PTPRU: variants seen among roughly 807,000 people sequenced by gnomAD.
PTPRU encodes the protein receptor-type tyrosine-protein phosphatase U.
In PTPRU, 69 loss-of-function variants were observed where a neutral mutation model predicts 166.3. The ratio of observed to expected loss-of-function variants is 0.41; its 90% confidence interval spans 0.34 to 0.51. The LOEUF (loss-of-function observed/expected upper bound fraction) is 0.51. Ranked by LOEUF, PTPRU falls within the 20% of genes least tolerant of loss-of-function variation. The pLI is 0.09. For missense variants in PTPRU, 1,657 were observed against 2,013.7 expected (o/e 0.82, Z 3.39); for synonymous variants, 793 against 814.0 (o/e 0.97, Z 0.44).
At chr1:29,276,575 C>G (rs1247239146) in intron 8 of PTPRU, among the ~76,000 whole-genome samples, 1 of 152,136 alleles carries the variant, frequency 6.6e-6, no homozygotes, top group Non-Finnish European at 1.5e-5. Context: ...ACCTTGGCCT[C>G]CAAAAGTGCT....
At chr1:29,285,218 C>T (rs1327856822) in intron 14 of PTPRU, among the ~76,000 whole-genome samples, 3 of 152,150 alleles carry the variant, frequency 2.0e-5, no homozygotes, top group African/African-American at 7.2e-5. Flanking sequence ...CCCTACCCTC[C>T]TGCAGACCTT....
At chr1:29,290,629 T>A in intron 14 of PTPRU, among the ~76,000 whole-genome samples, 1 of 152,212 alleles carries the variant, frequency 6.6e-6, no homozygotes, top group East Asian at 1.9e-4. Flanking sequence ...CCTTAGTGTT[T>A]CCTGACACGA....
chr1:29,279,062 A>G lies in PTPRU; in HGVS notation c.1504A>G (p.Met502Val), dbSNP rs1352680476. Residue 502 changes from methionine to valine, a missense_variant, in exon 9 of 30, where the codon ATG becomes GTG. Transcript: ENST00000373779. This position sits in a 1 kb window ranked among gnomAD's most constrained non-coding sequence, Gnocchi z 5.2. ...CCTGACCTTCACTCCACTGGAGGAC[A>G]TGATCTTCCTCAAGTGGGAGGAGCC... ...ESLTFTPLED[M>V]IFLKWEEPQE... The G allele has an allele frequency of 1.2e-5, 19 of 1,593,832 alleles. No individual in the cohort carries two copies. Among genetic ancestry groups the G allele is most frequent in the Non-Finnish European group, 1.5e-5 (18 of 1,169,712 alleles).
Position 29,277,803 on chromosome 1 carries a change from C to CTTTTTTTTTTTTTTTTTTT in PTPRU, c.1454-1194_1454-1176dup, listed in dbSNP as rs71586898. ...ACCATCTGGCTTCACAGTTGTCATT[C>CTTTTTTTTTTTTTTTTTTT]TTTTTTTTTTTTTTTTTTTTTTTTT... On this transcript the variant is annotated intron_variant, in intron 8 of 29. Coordinates refer to ENST00000373779, the MANE Select transcript of PTPRU (RefSeq NM_133178.4). 4.7e-4 allele frequency among the ~76,000 whole-genome samples: 24 copies of CTTTTTTTTTTTTTTTTTTT among 50,590 alleles called. 7 individuals carry two copies. Among genetic ancestry groups the CTTTTTTTTTTTTTTTTTTT allele is most frequent in the Admixed American group, 6.3e-4 (2 of 3,164 alleles). The allele number at this position is 50,590 out of a possible 152,430, so 33.2% of individuals were successfully genotyped here.
chr1:29,321,142 C>T (rs1236326656), intron 26 of PTPRU, among the ~76,000 whole-genome samples: 2 of 152,096 alleles, frequency 1.3e-5, no homozygotes. Context: ...GCCATCCTTC[C>T]ACCTCAGCCT....
chr1:29,307,901 C>T (rs1198689670), intron 18 of PTPRU, among the ~76,000 whole-genome samples: 1 of 151,872 alleles, frequency 6.6e-6, no homozygotes, highest in Non-Finnish European at 1.5e-5. Flanking sequence ...GCTGGAATTA[C>T]AGGCATGCAC....
chr1:29,305,646 T>C lies in PTPRU; in HGVS notation c.2820+218T>C, dbSNP rs1484910075. 1.4e-5 allele frequency: 10 copies of C among 737,950 alleles called. No individual in the cohort carries two copies. The East Asian group carries it at 2.6e-4, about 19-fold the overall frequency. The allele number at this position is 737,950 out of a possible 1,614,324, so 45.7% of individuals were successfully genotyped here. A position where few individuals can be genotyped will look rare whatever the true frequency, so the allele number is the denominator to read the frequency against. The stretch of plus-strand genomic sequence containing the variant: ...TGTAGGTGGGAGTTGGCCTGAGAGA[T>C]GAGGTGCTTTAGAGAAGCAAAGCAA... On this transcript the variant is annotated intron_variant, in intron 18 of 29. Transcript: ENST00000373779.
intron 1 of PTPRU, among the ~76,000 whole-genome samples, chr1:29,245,219 TA>T (rs1684239678): frequency 1.3e-5 from 2 of 152,192 alleles, no homozygotes; most frequent in Non-Finnish European, 2.9e-5. Context: ...TCAGTTATAA[TA>T]CCTGGACAAT....
intron 7 of PTPRU, 128 bp from the exon 8 acceptor site, chr1:29,275,320 C>A: frequency 1.0e-6 from 1 of 1,002,806 alleles, no homozygotes; most frequent in Non-Finnish European, 1.4e-6. Context: ...TTCTAGGGGT[C>A]CCCTGAGCTC....
In PTPRU at chr1:29,317,342, A is replaced by G. The variant is rs896576519; in HGVS notation, c.3514-406A>G. 1.3e-5 allele frequency among the ~76,000 whole-genome samples: 2 copies of G among 152,116 alleles called. No individual in the cohort carries two copies. Among genetic ancestry groups the G allele is most frequent in the Non-Finnish European group, 2.9e-5 (2 of 68,022 alleles). ...GGTGTGGGGTTTCAGGGGTTGCCTCAGTGAAGGCACTGGTCAGCTAGTAAA... is the reference window on the plus strand; with the variant it reads ...GGTGTGGGGTTTCAGGGGTTGCCTCGGTGAAGGCACTGGTCAGCTAGTAAA... On this transcript the variant is annotated intron_variant, in intron 24 of 29. Transcript: ENST00000373779. This position sits in a 1 kb window ranked among gnomAD's most constrained non-coding sequence, Gnocchi z 5.6.
At position 29,326,544 on chromosome 1, in the gene PTPRU, A is replaced by G. The variant is rs1277161635; in HGVS notation, c.*883A>G. On this transcript the variant is annotated 3_prime_UTR_variant, in exon 30 of 30. Coordinates refer to ENST00000373779, the MANE Select transcript of PTPRU (RefSeq NM_133178.4). ...GCCCGTTGTGGGGAGGGGCAGTGTT[A>G]GAGCAGGGCTGGTCATACCCTCTGG... 2.0e-5 allele frequency: 3 copies of G among 152,626 alleles called. No individual in the cohort carries two copies. The South Asian group carries it at 6.2e-4, about 32-fold the overall frequency. 9.5% of individuals were successfully genotyped at this position (152,626 alleles called of 1,614,324 possible).
chr1:29,321,814 G>A (rs1194044220), intron 26 of PTPRU, among the ~76,000 whole-genome samples: 1 of 152,228 alleles, frequency 6.6e-6, no homozygotes, highest in Non-Finnish European at 1.5e-5. Context: ...AAGATGATGA[G>A]GGTGACAGTT....
rs1684811186 is a variant in PTPRU, at chr1:29,257,229, A to G, written c.206-1276A>G. Among the ~76,000 whole-genome samples, 3 of 136,976 alleles carry G rather than the reference A, an allele frequency of 2.2e-5. No individual in the cohort carries two copies. The highest frequency in any genetic ancestry group is 2.4e-4 in the South Asian group (1 of 4,236). 89.9% of individuals were successfully genotyped at this position (136,976 alleles called of 152,430 possible). A position where few individuals can be genotyped will look rare whatever the true frequency, so the allele number is the denominator to read the frequency against. On this transcript the variant is annotated intron_variant, in intron 2 of 29. Transcript: ENST00000373779. This position sits in a 1 kb window ranked among gnomAD's most constrained non-coding sequence, Gnocchi z 4.6. ...CGCAGGGAGAGGAGAGAGAAGTAGCATGAGTGGGCCAAGAGGGAGTGTGTT... is the reference window on the plus strand; with the variant it reads ...CGCAGGGAGAGGAGAGAGAAGTAGCGTGAGTGGGCCAAGAGGGAGTGTGTT...
rs187283042 is a variant in PTPRU, at chr1:29,296,508, T to C, written c.2476+4482T>C. Among the ~76,000 whole-genome samples the C allele has an allele frequency of 5.3e-5, 8 of 151,572 alleles. No individual in the cohort carries two copies. The East Asian group carries it at 1.2e-3, about 22-fold the overall frequency. On this transcript the variant is annotated intron_variant, in intron 15 of 29. Coordinates refer to ENST00000373779, the MANE Select transcript of PTPRU (RefSeq NM_133178.4). The stretch of plus-strand genomic sequence containing the variant: ...TTATGATGTTTCCTTTCCTTTCTTT[T>C]TTTTTTTTTTTTCTTTTTGAGATAG...
chr1:29,262,061 A>T (rs1181645252), intron 7 of PTPRU, among the ~76,000 whole-genome samples: 1 of 152,202 alleles, frequency 6.6e-6, no homozygotes, highest in Non-Finnish European at 1.5e-5. Flanking sequence ...GTATATGTGT[A>T]TGTAGTTCTG....
rs940667574 is a variant in PTPRU at position 29,238,796 on chromosome 1, C to T, written c.73+2079C>T. Among the ~76,000 whole-genome samples, 1 of 152,176 alleles carries T rather than the reference C, an allele frequency of 6.6e-6. No homozygotes were observed. The highest frequency in any genetic ancestry group is 2.4e-5 in the African/African-American group (1 of 41,444). ...CCCATCCCCGCTCCTACCACCATCG[C>T]TTTGATTTCAAGAACACTCACAAGC... On this transcript the variant is annotated intron_variant, in intron 1 of 29. Coordinates refer to ENST00000373779, the MANE Select transcript of PTPRU (RefSeq NM_133178.4). The surrounding 1 kb of genome is among the most constrained non-coding windows in gnomAD (Gnocchi z 6.1).
At chr1:29,252,845 A>G (rs2151942678) in intron 1 of PTPRU, among the ~76,000 whole-genome samples, 2 of 152,296 alleles carry the variant, frequency 1.3e-5, no homozygotes, top group East Asian at 3.9e-4. Flanking sequence ...TCTCCCCACC[A>G]CCAAGCAAGC....
At chr1:29,283,842 G>T (rs1392812394) in intron 12 of PTPRU, 98 bp from the exon 13 acceptor site, 1 of 1,422,624 alleles carries the variant, frequency 7.0e-7, no homozygotes, top group African/African-American at 1.4e-5. Context: ...ACAAGACAAA[G>T]CCCTGAACAG....
rs772273324 is a variant in PTPRU, at chr1:29,284,789, G to T, written c.2238G>T (p.Gly746=). ...TGTCCCAGAGATCGGAGGAGATGGG[G>T]CTTATCCTGGGCATCTGTGCAGGGG... ...LEVSQRSEEM[G]LILGICAGGL... The change falls in exon 14 of 30, where the codon GGG becomes GGT. Residue 746 remains glycine, a synonymous_variant. Coordinates refer to ENST00000373779, the MANE Select transcript of PTPRU (RefSeq NM_133178.4). 1 of 1,613,940 alleles carries T rather than the reference G, an allele frequency of 6.2e-7. No individual in the cohort carries two copies. Among genetic ancestry groups the T allele is most frequent in the African/African-American group, 1.3e-5 (1 of 74,890 alleles).
Sources: gnomAD v4.1 joint callset for allele counts (sites outside exome capture counted in the v4.1 genomes callset) on GRCh38, gnomAD v4.1.1 for gene constraint, Gnocchi (gnomAD v3.1) non-coding constraint, MANE v1.5 for transcripts, NCBI Gene and HGNC (gene_info 2026-07-23, HGNC 2026-07-21) for gene names.